Variants in GRIP1 observed in about 807,000 individuals in gnomAD.
GRIP1 encodes the protein glutamate receptor-interacting protein 1.
A neutral mutation model predicts 129.9 loss-of-function variants in GRIP1; 45 were observed. That is an observed-to-expected ratio of 0.35 (90% CI 0.27 to 0.44). The LOEUF is 0.44. Ranked by LOEUF, GRIP1 falls within the 20% of genes least tolerant of loss-of-function variation. The pLI is 1.00. For missense variants in GRIP1, 1,196 were observed against 1,396.8 expected, an observed-to-expected ratio of 0.86 and a Z score of 2.29; for synonymous variants, 530 against 520.8, an observed-to-expected ratio of 1.02 and a Z score of -0.24.
At chr12:66,393,447 C>T (rs1495500) in intron 17 of GRIP1, among the ~76,000 whole-genome samples, 56,117 of 151,818 alleles carry the variant, frequency 0.37, 11,852 homozygotes, top group Non-Finnish European at 0.45. Flanking sequence ...TCTGGGATTA[C>T]AGGTGTGAGC....
chr12:66,650,804 T>C (rs1423690313), intron 1 of GRIP1, among the ~76,000 whole-genome samples: 3 of 152,176 alleles, frequency 2.0e-5, no homozygotes, highest in Non-Finnish European at 4.4e-5. Context: ...CAAATCTCTA[T>C]TGTCAATGTA....
chr12:66,702,820 A>T (rs1445641767), intron 1 of GRIP1, among the ~76,000 whole-genome samples: 1 of 152,224 alleles, frequency 6.6e-6, no homozygotes, highest in African/African-American at 2.4e-5. Context: ...ATCAATAGAA[A>T]GGAGCAGTTA....
intron 2 of GRIP1, among the ~76,000 whole-genome samples, chr12:66,585,461 C>A (rs983625632): frequency 2.2e-5 from 3 of 135,638 alleles, no homozygotes; most frequent in African/African-American, 8.2e-5. Context: ...CATAGTATTC[C>A]ATGGTGTATA....
chr12:66,743,596 T>TTG (rs1555232437), intron 1 of GRIP1, among the ~76,000 whole-genome samples: 274 of 151,416 alleles, frequency 1.8e-3, no homozygotes, highest in African/African-American at 5.8e-3. Context: ...GGCTTTTTTT[T>TTG]TGTGTGTGTG....
intron 1 of GRIP1, among the ~76,000 whole-genome samples, chr12:66,781,237 T>C (rs2038149095): frequency 1.3e-5 from 2 of 152,168 alleles, no homozygotes; most frequent in African/African-American, 2.4e-5. Flanking sequence ...GCTTAATTGA[T>C]TGGGGTAGCA....
At chr12:66,530,491 A>G (rs1035730197) in intron 4 of GRIP1, among the ~76,000 whole-genome samples, 2 of 152,198 alleles carry the variant, frequency 1.3e-5, no homozygotes, top group Non-Finnish European at 2.9e-5. Context: ...TACTACTACT[A>G]TCTAAGAAAC....
intron 1 of GRIP1, among the ~76,000 whole-genome samples, chr12:67,003,851 A>G (rs2042588030): frequency 6.6e-6 from 1 of 152,228 alleles, no homozygotes; most frequent in South Asian, 2.1e-4. Flanking sequence ...AAGTTACCAC[A>G]AATGTGGTGG....
chr12:66,645,259 C>T (rs2032267153), intron 1 of GRIP1, among the ~76,000 whole-genome samples: 1 of 152,068 alleles, frequency 6.6e-6, no homozygotes, highest in Non-Finnish European at 1.5e-5. Context: ...AACTAAAGCC[C>T]AGAGAAAGTA....
chr12:66,860,967 C>T (rs948662960), intron 1 of GRIP1, among the ~76,000 whole-genome samples: 1 of 151,986 alleles, frequency 6.6e-6, no homozygotes, highest in African/African-American at 2.4e-5. Context: ...TCAACCATGT[C>T]CCTTCCTCAA....
intron 7 of GRIP1, among the ~76,000 whole-genome samples, chr12:66,476,028 C>T (rs934322674): frequency 6.6e-6 from 1 of 152,092 alleles, no homozygotes; most frequent in Non-Finnish European, 1.5e-5. Context: ...CAGAGGAGAA[C>T]TGAAGGGGAT....
At chr12:66,714,233 C>T (rs1187646244) in intron 1 of GRIP1, among the ~76,000 whole-genome samples, 1 of 152,004 alleles carries the variant, frequency 6.6e-6, no homozygotes, top group Non-Finnish European at 1.5e-5. Context: ...AATGAAACTA[C>T]AATTCACGAC....
intron 1 of GRIP1, among the ~76,000 whole-genome samples, chr12:66,968,784 T>A (rs752812044): frequency 7.1e-5 from 5 of 70,480 alleles, no homozygotes; most frequent in African/African-American, 1.6e-4. Context: ...CAAAAGATTT[T>A]ACTTTACCTT....
chr12:66,922,559 CCTT>C (rs1381372095), intron 1 of GRIP1, among the ~76,000 whole-genome samples: 1 of 152,156 alleles, frequency 6.6e-6, no homozygotes, highest in Non-Finnish European at 1.5e-5. Flanking sequence ...AAAAGCAGGT[CCTT>C]ATACAGTTAC....
rs558366952 is a variant in GRIP1, at chr12:66,662,569, T to C, written c.55+16281A>G. 2.6e-5 allele frequency among the ~76,000 whole-genome samples: 4 copies of C among 152,266 alleles called. No homozygotes were observed. In the East Asian group the frequency reaches 7.7e-4, roughly 29 times the overall value. ...ACCTTTCTTTAGATGATTGGGTGAA[T>C]TATTTCATGATGCATTTTCCATATT... On this transcript the variant is annotated intron_variant, in intron 1 of 24. Coordinates refer to ENST00000359742, the MANE Select transcript of GRIP1 (RefSeq NM_001366722.1).
chr12:66,927,704 C>A (rs1214547064), intron 1 of GRIP1, among the ~76,000 whole-genome samples: 1 of 152,064 alleles, frequency 6.6e-6, no homozygotes. Flanking sequence ...TCGTATCCAC[C>A]CTCCCTCTTC....
chr12:66,688,988 G>C (rs1256554399), intron 1 of GRIP1, among the ~76,000 whole-genome samples: 1 of 152,098 alleles, frequency 6.6e-6, no homozygotes, highest in Non-Finnish European at 1.5e-5. Flanking sequence ...CTGCAGTCTA[G>C]CAAGTACACC....
chr12:66,610,501 C>A (rs2064747815), intron 1 of GRIP1, among the ~76,000 whole-genome samples: 1 of 152,090 alleles, frequency 6.6e-6, no homozygotes, highest in Non-Finnish European at 1.5e-5. Flanking sequence ...GGTAGAATGA[C>A]CAGGAACTTA....
rs371468778 is a variant in GRIP1, at chr12:66,793,064, A to G, written c.-420+10989T>C. Among the ~76,000 whole-genome samples the G allele has an allele frequency of 5.3e-5, 8 of 152,272 alleles. No individual in the cohort carries two copies. The East Asian group carries it at 9.6e-4, about 18-fold the overall frequency. On this transcript the variant is annotated intron_variant, in intron 1 of 4. Transcript: ENST00000538373. ...ATATAAATAAATAAAACTAGTTCCT[A>G]TATAGTTTTCCAATTCTCATGAATT...
chr12:66,831,744 G>C (rs987537775), intron 1 of GRIP1, among the ~76,000 whole-genome samples: 1 of 152,036 alleles, frequency 6.6e-6, no homozygotes, highest in Non-Finnish European at 1.5e-5. Flanking sequence ...CCTTTGGGAC[G>C]AGCACGGTAC....
Sources: allele counts gnomAD v4.1 joint callset (sites outside exome capture counted in the v4.1 genomes callset), GRCh38; gene constraint gnomAD v4.1.1; transcripts MANE v1.5; gene names NCBI Gene and HGNC (gene_info 2026-07-23, HGNC 2026-07-21).